ESR1: variants seen among roughly 807,000 people sequenced by gnomAD.
The protein encoded by ESR1 is estrogen receptor 1, also known as estrogen receptor.
Under a neutral mutation model 52.7 loss-of-function variants are expected in ESR1, and 12 were observed. That is an observed-to-expected ratio of 0.23 (90% confidence interval 0.15 to 0.37). The LOEUF (loss-of-function observed/expected upper bound fraction) is 0.37. ESR1 is among the 10% of genes least tolerant of loss of function. The pLI is 1.00. For missense variants in ESR1, 584 were observed against 779.7 expected (o/e 0.75, Z 2.99); for synonymous variants, 305 against 316.8 (o/e 0.96, Z 0.39).
chr6:151,873,243 C>T (rs1305441727), intron 2 of ESR1, among the ~76,000 whole-genome samples: 1 of 152,214 alleles, frequency 6.6e-6, no homozygotes, highest in Non-Finnish European at 1.5e-5. Flanking sequence ...CCATCTGCCA[C>T]TTGCTTGCTG....
intron 4 of ESR1, among the ~76,000 whole-genome samples, chr6:151,956,863 A>AT (rs1175773832): frequency 3.3e-4 from 18 of 53,902 alleles, no homozygotes; most frequent in South Asian, 9.6e-4. Context: ...TATATATATA[A>AT]ATATATATAT....
At chr6:152,062,241 A>T (rs374383593) in intron 6 of ESR1, among the ~76,000 whole-genome samples, 36 of 152,198 alleles carry the variant, frequency 2.4e-4, no homozygotes, top group African/African-American at 8.4e-4. Flanking sequence ...CACTGCTAGG[A>T]ACCTGTGTTG....
At chr6:151,689,521 G>C (rs955597143), upstream of ESR1, among the ~76,000 whole-genome samples, 1 of 152,236 alleles carries the variant, frequency 6.6e-6, no homozygotes, top group African/African-American at 2.4e-5. Flanking sequence ...TAACTGATAA[G>C]TATAGAGAAG....
intron 2 of ESR1, among the ~76,000 whole-genome samples, chr6:151,863,209 A>G (rs1789212293): frequency 6.6e-6 from 1 of 152,140 alleles, no homozygotes; most frequent in Non-Finnish European, 1.5e-5. Flanking sequence ...TGGGGATGGC[A>G]TTGAATCTAT....
chr6:151,940,113 G>A (rs984968257), intron 3 of ESR1, among the ~76,000 whole-genome samples: 1 of 152,148 alleles, frequency 6.6e-6, no homozygotes, highest in Non-Finnish European at 1.5e-5. Flanking sequence ...ATGGCAGAAG[G>A]TGAAGGGGAA....
At position 151,969,421 on chromosome 6, in the gene ESR1, G is replaced by A. The variant is rs186798538; in HGVS notation, c.1096+24913G>A. 2.0e-5 allele frequency among the ~76,000 whole-genome samples: 3 copies of A among 152,224 alleles called. No homozygotes were observed. In the East Asian group the frequency reaches 5.8e-4, roughly 29 times the overall value. ...TTCTATATTCCATTTTTCTAAATGA[G>A]CCATTGAGATGTAGAGCAAGCAAGT... is the stretch of plus-strand genomic sequence containing the variant. On this transcript the variant is annotated intron_variant, in intron 4 of 7. Transcript: ENST00000206249.
upstream of ESR1, among the ~76,000 whole-genome samples, chr6:151,802,753 T>C (rs1226977700): frequency 6.6e-6 from 1 of 150,396 alleles, no homozygotes; most frequent in Admixed American, 6.6e-5. Context: ...CTTTGGGAGG[T>C]TGAGGCGGGT....
chr6:151,695,811 T>G (rs1386022740), intron 1 of ESR1, among the ~76,000 whole-genome samples: 1 of 152,186 alleles, frequency 6.6e-6, no homozygotes, highest in Non-Finnish European at 1.5e-5. Flanking sequence ...AGAAAGGTGC[T>G]TAATAAAGAT....
chr6:152,047,144 T>G (rs1445642343), intron 5 of ESR1, among the ~76,000 whole-genome samples: 1 of 152,112 alleles, frequency 6.6e-6, no homozygotes, highest in African/African-American at 2.4e-5. Flanking sequence ...ACTCCCTGTT[T>G]TATTTTCTAG....
chr6:152,120,649 G>A (rs2051299312), intron 6 of ESR1, among the ~76,000 whole-genome samples: 1 of 152,142 alleles, frequency 6.6e-6, no homozygotes, highest in Non-Finnish European at 1.5e-5. Flanking sequence ...GGAAGCAGAG[G>A]GCAGTGCTTT....
intron 3 of ESR1, among the ~76,000 whole-genome samples, chr6:151,887,040 C>CAAAA (rs11316986): frequency 1.1e-5 from 1 of 90,802 alleles, no homozygotes; most frequent in East Asian, 3.1e-4. Flanking sequence ...GACTCCATCT[C>CAAAA]AAAAAAAAAA....
chr6:151,817,776 A>G (rs1779913854), intron 1 of ESR1, among the ~76,000 whole-genome samples: 2 of 152,232 alleles, frequency 1.3e-5, no homozygotes, highest in Non-Finnish European at 1.5e-5. Flanking sequence ...TGTTTAGATA[A>G]CTGAAGGTAA....
intron 3 of ESR1, among the ~76,000 whole-genome samples, chr6:151,903,075 A>C (rs913295363): frequency 1.3e-5 from 2 of 152,178 alleles, no homozygotes; most frequent in Non-Finnish European, 2.9e-5. Flanking sequence ...TGGCTCCAGG[A>C]AACTGTTCTG....
chr6:151,880,959 C>T (rs1455575204), intron 3 of ESR1, among the ~76,000 whole-genome samples, 188 bp downstream of exon 3: 1 of 152,018 alleles, frequency 6.6e-6, no homozygotes, highest in African/African-American at 2.4e-5. Context: ...GTGGAAGTGT[C>T]TGGAACTGGA....
At chr6:151,750,229 T>A (rs1783799532) in intron 2 of ESR1, among the ~76,000 whole-genome samples, 1 of 152,224 alleles carries the variant, frequency 6.6e-6, no homozygotes, top group Non-Finnish European at 1.5e-5. Flanking sequence ...AATTGAATTT[T>A]TCTTTTTGTA....
exon 7 of ESR1, chr6:152,128,729 C>G (rs1218156282): frequency 6.6e-6 from 1 of 152,186 alleles, no homozygotes; most frequent in Non-Finnish European, 1.5e-5. Context: ...CTGCAATAAC[C>G]TTTCCAATTT....
chr6:151,800,598 C>T (rs1485422050), upstream of ESR1, among the ~76,000 whole-genome samples: 1 of 152,152 alleles, frequency 6.6e-6, no homozygotes, highest in Non-Finnish European at 1.5e-5. Flanking sequence ...CCTCCTCCTT[C>T]TACCTCCTCC....
At chr6:151,729,924 C>T (rs1782114339) in intron 2 of ESR1, among the ~76,000 whole-genome samples, 1 of 151,854 alleles carries the variant, frequency 6.6e-6, no homozygotes, top group African/African-American at 2.4e-5. Flanking sequence ...TTCGTCTGTA[C>T]AGAAAAAAAG....
intron 4 of ESR1, among the ~76,000 whole-genome samples, chr6:151,994,476 A>G (rs951874429): frequency 1.3e-5 from 2 of 152,120 alleles, no homozygotes; most frequent in African/African-American, 4.8e-5. Flanking sequence ...ACACATATAT[A>G]CTCATTAAAA....
Sources: allele counts gnomAD v4.1 joint callset (sites outside exome capture counted in the v4.1 genomes callset), GRCh38; gene constraint gnomAD v4.1.1; transcripts MANE v1.5; gene names NCBI Gene and HGNC (gene_info 2026-07-23, HGNC 2026-07-21).